The following NAV2 variants were observed in gnomAD, a reference collection of about 807,000 sequenced individuals.
The protein encoded by NAV2 is neuron navigator 2, also known as helicase, APC down-regulated 1.
NAV2 carries 54 observed loss-of-function variants against 223.2 expected under a neutral mutation model. The observed-to-expected ratio is 0.24, with a 90% CI of 0.19 to 0.30. NAV2 has a LOEUF of 0.30. Among genes scored for constraint, NAV2 ranks in the 10% least tolerant of loss-of-function variants. The pLI is 1.00. For synonymous variants in NAV2, 1,279 were observed against 1,239.3 expected, an observed-to-expected ratio of 1.03 and a Z score of -0.67; for missense variants, 2,806 against 3,147.5, an observed-to-expected ratio of 0.89 and a Z score of 2.60.
intron 1 of NAV2, among the ~76,000 whole-genome samples, chr11:19,781,647 C>T (rs932707228): frequency 6.6e-6 from 1 of 152,228 alleles, no homozygotes. Flanking sequence ...TTAAAGGGCT[C>T]TGTCTGCTTC....
chr11:19,393,895 G>GTT (rs5790072), intron 1 of NAV2, among the ~76,000 whole-genome samples: 78 of 136,172 alleles, frequency 5.7e-4, no homozygotes, highest in South Asian at 2.5e-3. Flanking sequence ...TAACTTAAGG[G>GTT]TTTTTTTTTT....
At chr11:20,027,363 T>C in intron 11 of NAV2, 1 of 985,352 alleles carries the variant, frequency 1.0e-6, no homozygotes, top group Non-Finnish European at 1.2e-6. Flanking sequence ...GTTCCACCAG[T>C]CTGGACTTTT....
chr11:19,871,522 C>CA (rs2062494167), intron 4 of NAV2, among the ~76,000 whole-genome samples: 1 of 152,136 alleles, frequency 6.6e-6, no homozygotes, highest in South Asian at 2.1e-4. Context: ...CTGGTAGTCT[C>CA]AGCAGGCCCT....
chr11:20,019,338 A>T (rs892449441), intron 11 of NAV2, among the ~76,000 whole-genome samples: 3 of 152,180 alleles, frequency 2.0e-5, no homozygotes, highest in Non-Finnish European at 4.4e-5. Context: ...AAGGAGGGAG[A>T]GAATTAGGAC....
chr11:19,942,461 C>T, intron 8 of NAV2, among the ~76,000 whole-genome samples: 1 of 152,136 alleles, frequency 6.6e-6, no homozygotes, highest in Non-Finnish European at 1.5e-5. Flanking sequence ...TTTTTATGTC[C>T]ACTTTACAAA....
intron 1 of NAV2, among the ~76,000 whole-genome samples, chr11:19,434,350 T>C (rs924805069): frequency 1.8e-4 from 27 of 152,312 alleles, no homozygotes; most frequent in African/African-American, 5.8e-4. Context: ...CATTTCTGTG[T>C]GATTAGGTGA....
At chr11:19,382,566 T>A (rs1355152388) in intron 1 of NAV2, among the ~76,000 whole-genome samples, 1 of 152,184 alleles carries the variant, frequency 6.6e-6, no homozygotes, top group Non-Finnish European at 1.5e-5. Flanking sequence ...GGGAAGTAAT[T>A]GTCTCCCCCA....
intron 10 of NAV2, among the ~76,000 whole-genome samples, chr11:19,956,058 T>C (rs998651078): frequency 6.6e-6 from 1 of 152,044 alleles, no homozygotes; most frequent in African/African-American, 2.4e-5. Flanking sequence ...GCTTGGGAAG[T>C]TCAGGTTGCC....
chr11:19,557,628 G>A (rs900244757), intron 1 of NAV2, among the ~76,000 whole-genome samples: 5 of 152,214 alleles, frequency 3.3e-5, no homozygotes, highest in African/African-American at 4.8e-5. Flanking sequence ...ATGTGGTCAC[G>A]TAGACACACT....
chr11:19,351,889 G>A (rs1298637383), intron 1 of NAV2, among the ~76,000 whole-genome samples: 3 of 143,590 alleles, frequency 2.1e-5, no homozygotes, highest in Non-Finnish European at 4.5e-5. Flanking sequence ...GAGTCTCAAA[G>A]ATTGACTCTT....
At chr11:19,992,583 CTTTT>C (rs780559920) in intron 11 of NAV2, among the ~76,000 whole-genome samples, 1 of 103,546 alleles carries the variant, frequency 9.7e-6, no homozygotes, top group East Asian at 2.9e-4. Flanking sequence ...TCCTGAAGTA[CTTTT>C]TTTTTTTTTT....
In NAV2 at chr11:19,979,227, C is replaced by A. The variant is rs908168439; in HGVS notation, c.2646-4898C>A. ...AAGAAAGTACTGATGAGAAAATGCC[C>A]ACCAAAAATTGAATACAGAATGTTG... is the stretch of plus-strand genomic sequence containing the variant. On this transcript the variant is annotated intron_variant, in intron 10 of 37. Transcript: ENST00000349880. The A allele has an allele frequency of 2.0e-5, 3 of 152,150 alleles. No homozygotes were observed. The East Asian group carries it at 5.8e-4, about 29-fold the overall frequency. 9.4% of individuals were successfully genotyped at this position (152,150 alleles called of 1,614,324 possible).
At chr11:20,017,933 A>G (rs1308421781) in intron 11 of NAV2, among the ~76,000 whole-genome samples, 3 of 152,168 alleles carry the variant, frequency 2.0e-5, no homozygotes, top group Non-Finnish European at 4.4e-5. Context: ...TCATTCATCC[A>G]GGAGAGCTTT....
intron 1 of NAV2, among the ~76,000 whole-genome samples, chr11:19,613,308 G>A (rs2046695242): frequency 6.6e-6 from 1 of 152,126 alleles, no homozygotes; most frequent in African/African-American, 2.4e-5. Flanking sequence ...CTGAGGATAT[G>A]GAGGGGATGT....
chr11:19,511,678 T>G (rs1161360123), intron 1 of NAV2: 1 of 152,258 alleles, frequency 6.6e-6, no homozygotes, highest in Non-Finnish European at 1.5e-5. Context: ...GCTGTTTCTC[T>G]GCCAGTCTCC....
At chr11:19,379,778 T>C (rs903085573) in intron 1 of NAV2, among the ~76,000 whole-genome samples, 11 of 152,106 alleles carry the variant, frequency 7.2e-5, no homozygotes, top group Non-Finnish European at 1.2e-4. Flanking sequence ...CGCATTCTCC[T>C]TTTTTTCTGT....
At chr11:19,366,326 GAGCTCTGGAT>G (rs1176601527) in intron 1 of NAV2, among the ~76,000 whole-genome samples, 1 of 152,206 alleles carries the variant, frequency 6.6e-6, no homozygotes, top group Non-Finnish European at 1.5e-5. Flanking sequence ...GCTAGGCCTG[GAGCTCTGGAT>G]GGATGGCAGG....
At chr11:19,868,286 A>G (rs954936227) in intron 3 of NAV2, among the ~76,000 whole-genome samples, 16 of 152,218 alleles carry the variant, frequency 1.1e-4, no homozygotes, top group African/African-American at 3.9e-4. Context: ...CTTCTTGGGA[A>G]TGACCTAATT....
intron 1 of NAV2, among the ~76,000 whole-genome samples, chr11:19,378,811 G>A (rs1848732801): frequency 6.6e-6 from 1 of 152,070 alleles, no homozygotes; most frequent in East Asian, 1.9e-4. Flanking sequence ...GGATCCGTTG[G>A]GTCCACAAGG....
Sources: gnomAD v4.1 joint callset for allele counts (sites outside exome capture counted in the v4.1 genomes callset) on GRCh38, gnomAD v4.1.1 for gene constraint, MANE v1.5 for transcripts, NCBI Gene and HGNC (gene_info 2026-07-23, HGNC 2026-07-21) for gene names.